Variants in SPIRE1 observed in about 807,000 individuals in gnomAD.
SPIRE1 encodes protein spire homolog 1.
Under a neutral mutation model 94.1 loss-of-function variants are expected in SPIRE1, and 40 were observed. The observed-to-expected ratio is 0.43, with a 90% confidence interval of 0.33 to 0.55. The LOEUF (loss-of-function observed/expected upper bound fraction) is 0.55, where lower values mean the gene tolerates loss of function less well. Among genes scored for constraint, SPIRE1 ranks in the 20% least tolerant of loss-of-function variants. The pLI, the probability that SPIRE1 is intolerant of heterozygous loss-of-function variation, is 0.06. For synonymous variants in SPIRE1, 376 were observed against 371.7 expected (o/e 1.01, Z -0.13); for missense variants, 838 against 975.2 (o/e 0.86, Z 1.87).
Position 12,657,682 on chromosome 18 carries a change from C to A in SPIRE1, c.185G>T (p.Cys62Phe). 2 of 1,374,838 alleles carry A rather than the reference C, an allele frequency of 1.5e-6. No homozygotes were observed. Among genetic ancestry groups the A allele is most frequent in the South Asian group, 1.7e-5 (1 of 60,170 alleles). The allele number at this position is 1,374,838 out of a possible 1,614,324, so 85.2% of individuals were successfully genotyped here. The change falls in exon 1 of 17, where the codon TGC becomes TTC. Residue 62 changes from cysteine to phenylalanine, a missense_variant. Physicochemically the swap from Cys to Phe is radical, Grantham distance 205. Coordinates refer to ENST00000409402, the MANE Select transcript of SPIRE1 (RefSeq NM_001128626.2). Reference sequence around the variant, plus strand: ...GCGCAGGGAACCGCAGCACTGGTAGCACACGGCCCACGCCTGCTCCTCGTT... The same window carrying A: ...GCGCAGGGAACCGCAGCACTGGTAGAACACGGCCCACGCCTGCTCCTCGTT... ...PINEEQAWAV[C>F]YQCCGSLRAA...
chr18:12,493,535 T>A (rs1241577075), intron 7 of SPIRE1, among the ~76,000 whole-genome samples: 1 of 152,056 alleles, frequency 6.6e-6, no homozygotes, highest in Non-Finnish European at 1.5e-5. Context: ...GCCTCCCGAG[T>A]AGCTGGGATT....
chr18:12,512,374 G>T (rs2034062014), intron 5 of SPIRE1, 80 bp downstream of exon 5: 7 of 973,518 alleles, frequency 7.2e-6, no homozygotes, highest in African/African-American at 1.7e-5. Context: ...GCAACAGAAT[G>T]AGACTCTGTC....
chr18:12,517,364 A>G (rs1288229828), intron 4 of SPIRE1, among the ~76,000 whole-genome samples: 1 of 152,240 alleles, frequency 6.6e-6, no homozygotes, highest in Non-Finnish European at 1.5e-5. Flanking sequence ...ATCAATGTAG[A>G]TAGCTTAGAA....
chr18:12,500,027 C>T (rs1452479999), intron 6 of SPIRE1, among the ~76,000 whole-genome samples: 1 of 152,120 alleles, frequency 6.6e-6, no homozygotes, highest in Non-Finnish European at 1.5e-5. Flanking sequence ...AACTCAGAAA[C>T]AGAAAACCAA....
intron 3 of SPIRE1, among the ~76,000 whole-genome samples, chr18:12,536,929 A>T (rs1019135282): frequency 5.9e-5 from 9 of 152,228 alleles, no homozygotes; most frequent in African/African-American, 2.2e-4. Context: ...ATAACTAAAA[A>T]TACGCATCTT....
intron 1 of SPIRE1, among the ~76,000 whole-genome samples, chr18:12,650,727 A>G (rs1257982011): frequency 6.6e-6 from 1 of 150,766 alleles, no homozygotes; most frequent in Admixed American, 6.6e-5. Context: ...AAAAAAAAAA[A>G]AATTACCCAG....
chr18:12,494,558 G>A lies in SPIRE1; in HGVS notation c.1060-1357C>T, dbSNP rs1028304021. On this transcript the variant is annotated intron_variant, in intron 7 of 16. Transcript: ENST00000409402. ...CAGAGAAAAAACCTCGGCCGGGCACGGTGGCTCACGCCTGTAATCCCAGCA... is the reference window on the plus strand; with the variant it reads ...CAGAGAAAAAACCTCGGCCGGGCACAGTGGCTCACGCCTGTAATCCCAGCA... Among the ~76,000 whole-genome samples, 13 of 151,988 alleles carry A rather than the reference G, an allele frequency of 8.6e-5. No homozygotes were observed. In the East Asian group the frequency reaches 2.1e-3, roughly 25 times the overall value.
At chr18:12,626,888 T>TATATATATATA (rs1567976766) in intron 2 of SPIRE1, among the ~76,000 whole-genome samples, 14 of 45,780 alleles carry the variant, frequency 3.1e-4, no homozygotes, top group African/African-American at 7.2e-4. Context: ...ATATATATAT[T>TATATATATATA]TTTTTTTTTT....
intron 4 of SPIRE1, among the ~76,000 whole-genome samples, chr18:12,530,069 T>C (rs1193127115): frequency 6.6e-6 from 1 of 152,182 alleles, no homozygotes; most frequent in Non-Finnish European, 1.5e-5. Flanking sequence ...ATCTGTGTTT[T>C]TAAAAGGCCT....
At chr18:12,509,476 C>T (rs1252304520) in intron 5 of SPIRE1, among the ~76,000 whole-genome samples, 1 of 152,152 alleles carries the variant, frequency 6.6e-6, no homozygotes, top group Non-Finnish European at 1.5e-5. Context: ...CTTAGAACAA[C>T]ACTATCCAAG....
Position 12,615,341 on chromosome 18 carries a change from AAAAAATATATAT to A in SPIRE1, c.372+19709_372+19720del, listed in dbSNP as rs1451801306. On this transcript the variant is annotated intron_variant, in intron 2 of 16. Coordinates refer to ENST00000409402, the MANE Select transcript of SPIRE1 (RefSeq NM_001128626.2). ...AAACTCTGTCTCAAAAAAAAAAAAA[AAAAAATATATAT>A]ATATATATATATATATATATGCATG... 1.7e-3 allele frequency among the ~76,000 whole-genome samples: 66 copies of A among 39,320 alleles called. 7 individuals carry two copies. The highest frequency in any genetic ancestry group is 3.9e-3 in the Non-Finnish European group (47 of 12,068). The allele number at this position is 39,320 out of a possible 152,430, so 25.8% of individuals were successfully genotyped here. A position where few individuals can be genotyped will look rare whatever the true frequency, so the allele number is the denominator to read the frequency against.
At chr18:12,514,370 C>T (rs1454511077) in intron 4 of SPIRE1, among the ~76,000 whole-genome samples, 1 of 152,158 alleles carries the variant, frequency 6.6e-6, no homozygotes, top group African/African-American at 2.4e-5. Context: ...CTCTTCCTAC[C>T]TTTTAGTGGT....
At chr18:12,613,891 C>T (rs1312976682) in intron 2 of SPIRE1, among the ~76,000 whole-genome samples, 1 of 151,296 alleles carries the variant, frequency 6.6e-6, no homozygotes, top group East Asian at 1.9e-4. Context: ...ACTCTTGTCT[C>T]AAAAAAAACA....
chr18:12,620,062 C>A (rs1010914778), intron 2 of SPIRE1, among the ~76,000 whole-genome samples: 7 of 151,820 alleles, frequency 4.6e-5, no homozygotes, highest in African/African-American at 1.5e-4. Context: ...ACCTGTAATT[C>A]CAGCACTTAG....
chr18:12,614,967 T>C lies in SPIRE1; in HGVS notation c.372+20095A>G, dbSNP rs564857201. Among the ~76,000 whole-genome samples the C allele has an allele frequency of 6.6e-5, 10 of 152,102 alleles. No individual in the cohort carries two copies. The South Asian group carries it at 1.7e-3, about 25-fold the overall frequency. On this transcript the variant is annotated intron_variant, in intron 2 of 16. Transcript: ENST00000409402. ...ACTTTGGGAGGCCAAGGCGGACGGATTGCCTGAGCTCAGGAGTTCGAGACC... is the reference window on the plus strand; with the variant it reads ...ACTTTGGGAGGCCAAGGCGGACGGACTGCCTGAGCTCAGGAGTTCGAGACC...
In SPIRE1 at chr18:12,622,501, C is replaced by A. The variant is rs899040835; in HGVS notation, c.372+12561G>T. ...GCAGTGGCGCGATCTTGGCTCACTG[C>A]AAGCTCCGCCTCCCCGGTTCACGCC... On this transcript the variant is annotated intron_variant, in intron 2 of 16. Coordinates refer to ENST00000409402, the MANE Select transcript of SPIRE1 (RefSeq NM_001128626.2). Among the ~76,000 whole-genome samples the A allele has an allele frequency of 1.4e-4, 21 of 148,852 alleles. No individual in the cohort carries two copies. In the Admixed American group the frequency reaches 1.4e-3, roughly 10 times the overall value.
intron 12 of SPIRE1, chr18:12,460,072 G>A (rs551269906): frequency 8.2e-5 from 17 of 207,934 alleles, no homozygotes; most frequent in Non-Finnish European, 1.3e-4. Context: ...GGTACAGTCC[G>A]TGCGAACATC....
chr18:12,521,249 T>C (rs2034349029), intron 4 of SPIRE1, among the ~76,000 whole-genome samples: 1 of 152,230 alleles, frequency 6.6e-6, no homozygotes, highest in African/African-American at 2.4e-5. Context: ...CATCAAGTTA[T>C]GATTTCTTGC....
intron 10 of SPIRE1, among the ~76,000 whole-genome samples, chr18:12,470,577 GGAACT>G (rs537991863): frequency 1.5e-3 from 225 of 152,246 alleles, no homozygotes; most frequent in African/African-American, 5.1e-3. Context: ...GGAGAGCCAG[GGAACT>G]GTTAACAGTC....
Sources: allele counts gnomAD v4.1 joint callset (sites outside exome capture counted in the v4.1 genomes callset), GRCh38; gene constraint gnomAD v4.1.1; transcripts MANE v1.5; gene names NCBI Gene and HGNC (gene_info 2026-07-23, HGNC 2026-07-21).